Variants in KCNIP1 observed in about 807,000 individuals in gnomAD.
KCNIP1 encodes potassium voltage-gated channel interacting protein 1, also known as A-type potassium channel modulatory protein KCNIP1.
KCNIP1 carries 18 observed loss-of-function variants against 33.0 expected under a neutral mutation model. The observed-to-expected ratio is 0.55, with a 90% CI of 0.38 to 0.81. The LOEUF is 0.81. Ranked by LOEUF, KCNIP1 falls within the 30% of genes least tolerant of loss-of-function variation. The pLI is 0.00. For synonymous variants in KCNIP1, 93 were observed against 98.3 expected (o/e 0.95, Z 0.32); for missense variants, 238 against 271.6 (o/e 0.88, Z 0.87).
intron 1 of KCNIP1, among the ~76,000 whole-genome samples, chr5:170,431,836 G>C (rs1323696798): frequency 6.6e-6 from 1 of 152,174 alleles, no homozygotes; most frequent in Non-Finnish European, 1.5e-5. Context: ...GATGGGTCTG[G>C]TTTTGGCCTT....
intron 1 of KCNIP1, among the ~76,000 whole-genome samples, chr5:170,554,252 G>C (rs1184664707): frequency 6.6e-6 from 1 of 152,180 alleles, no homozygotes; most frequent in African/African-American, 2.4e-5. Context: ...GTAGCAGGTG[G>C]CCCAGAATGG....
intron 1 of KCNIP1, among the ~76,000 whole-genome samples, chr5:170,409,528 G>T (rs926910102): frequency 6.6e-6 from 1 of 152,220 alleles, no homozygotes; most frequent in Non-Finnish European, 1.5e-5. Context: ...GGGTTGTGCA[G>T]TAGTGACACG....
intron 1 of KCNIP1, among the ~76,000 whole-genome samples, chr5:170,624,738 G>GGGAGAGGGGAGGGGA (rs1168169208): frequency 3.4e-5 from 4 of 116,758 alleles, no homozygotes; most frequent in Admixed American, 3.4e-4. Flanking sequence ...GAGGTGGGGG[G>GGGAGAGGGGAGGGGA]GGAGAGGGGA....
At chr5:170,653,481 A>T (rs1240511863) in intron 1 of KCNIP1, among the ~76,000 whole-genome samples, 1 of 152,032 alleles carries the variant, frequency 6.6e-6, no homozygotes, top group Non-Finnish European at 1.5e-5. Context: ...AAAATTTGTG[A>T]TGTTCTCTCT....
intron 1 of KCNIP1, among the ~76,000 whole-genome samples, chr5:170,642,870 T>C (rs1371787507): frequency 6.6e-6 from 1 of 152,222 alleles, no homozygotes; most frequent in African/African-American, 2.4e-5. Context: ...GGGATTATTA[T>C]CTCCATTTTA....
intron 1 of KCNIP1, among the ~76,000 whole-genome samples, chr5:170,613,718 T>C (rs1356446722): frequency 6.6e-6 from 1 of 152,166 alleles, no homozygotes; most frequent in Non-Finnish European, 1.5e-5. Context: ...CCTAGCCTGT[T>C]CTTACTAATA....
intron 1 of KCNIP1, among the ~76,000 whole-genome samples, chr5:170,649,914 T>A (rs1760970328): frequency 6.6e-6 from 1 of 152,184 alleles, no homozygotes; most frequent in African/African-American, 2.4e-5. Flanking sequence ...GGCTCGGTTG[T>A]TCTTCATAAC....
intron 1 of KCNIP1, among the ~76,000 whole-genome samples, chr5:170,512,057 C>T (rs1335005345): frequency 6.6e-6 from 1 of 152,210 alleles, no homozygotes; most frequent in African/African-American, 2.4e-5. Context: ...TTTCATCTGA[C>T]ACTGTGGAAG....
At chr5:170,516,213 T>C (rs1239762738) in intron 1 of KCNIP1, among the ~76,000 whole-genome samples, 2 of 152,166 alleles carry the variant, frequency 1.3e-5, no homozygotes, top group African/African-American at 4.8e-5. Context: ...AGCACCACCC[T>C]TGTCCCCCTA....
At chr5:170,412,844 C>A (rs1390415687) in intron 1 of KCNIP1, among the ~76,000 whole-genome samples, 6 of 152,114 alleles carry the variant, frequency 3.9e-5, no homozygotes, top group African/African-American at 1.4e-4. Flanking sequence ...CAAGACCTTC[C>A]CTGATCACCC....
chr5:170,535,251 C>T (rs1484962625), intron 1 of KCNIP1, among the ~76,000 whole-genome samples: 1 of 152,186 alleles, frequency 6.6e-6, no homozygotes, highest in Non-Finnish European at 1.5e-5. Context: ...CTAGCTGACA[C>T]ACTGGAAGGA....
At chr5:170,658,668 G>A (rs1396002065) in intron 1 of KCNIP1, among the ~76,000 whole-genome samples, 1 of 152,160 alleles carries the variant, frequency 6.6e-6, no homozygotes, top group African/African-American at 2.4e-5. Context: ...TCTGTCTCAT[G>A]AACCATTAAG....
chr5:170,533,022 A>C (rs969233672), intron 1 of KCNIP1, among the ~76,000 whole-genome samples: 3 of 152,240 alleles, frequency 2.0e-5, no homozygotes, highest in African/African-American at 7.2e-5. Flanking sequence ...CTGCAAGCTC[A>C]GGAAATTGAA....
At chr5:170,582,562 A>G (rs1757835776) in intron 1 of KCNIP1, among the ~76,000 whole-genome samples, 1 of 152,228 alleles carries the variant, frequency 6.6e-6, no homozygotes, top group African/African-American at 2.4e-5. Flanking sequence ...ATGTGCTGCT[A>G]GAGAGCACAT....
intron 1 of KCNIP1, among the ~76,000 whole-genome samples, chr5:170,441,154 C>T (rs563446428): frequency 6.6e-6 from 1 of 152,340 alleles, no homozygotes; most frequent in East Asian, 1.9e-4. Flanking sequence ...ACTGATCTTC[C>T]TCCAGCTGCC....
intron 1 of KCNIP1, among the ~76,000 whole-genome samples, chr5:170,663,809 C>A (rs1433503003): frequency 1.3e-5 from 2 of 152,066 alleles, no homozygotes; most frequent in Non-Finnish European, 2.9e-5. Flanking sequence ...GGCCCAGCAG[C>A]TTTACCATCA....
chr5:170,594,493 A>ACTCT (rs148500980), intron 1 of KCNIP1, among the ~76,000 whole-genome samples: 1,637 of 152,010 alleles, frequency 0.011, 27 homozygotes, highest in African/African-American at 0.037. Flanking sequence ...CATGTTAGTG[A>ACTCT]CTCTAACTAC....
At chr5:170,450,417 CCT>C (rs1395686571) in intron 1 of KCNIP1, among the ~76,000 whole-genome samples, 3 of 152,218 alleles carry the variant, frequency 2.0e-5, no homozygotes, top group Admixed American at 6.5e-5. Context: ...GCCACCCACC[CCT>C]GTCTGTCTTC....
intron 1 of KCNIP1, among the ~76,000 whole-genome samples, chr5:170,508,842 T>C (rs1754819180): frequency 6.6e-6 from 1 of 152,188 alleles, no homozygotes; most frequent in Admixed American, 6.5e-5. Context: ...CCCATATTCT[T>C]TTAAGGTGTA....
Sources: allele counts gnomAD v4.1 joint callset (sites outside exome capture counted in the v4.1 genomes callset), GRCh38; gene constraint gnomAD v4.1.1; transcripts MANE v1.5; gene names NCBI Gene and HGNC (gene_info 2026-07-23, HGNC 2026-07-21).